The following NUDT9 variants were observed in gnomAD, a reference collection of about 807,000 sequenced individuals.
NUDT9 encodes the protein ADP-ribose pyrophosphatase.
A neutral mutation model predicts 41.0 loss-of-function variants in NUDT9; 31 were observed. That is an observed-to-expected ratio of 0.76 (90% CI 0.57 to 1.02). The LOEUF (loss-of-function observed/expected upper bound fraction) is 1.02. NUDT9 is among the 50% of genes least tolerant of loss of function. The pLI, the probability that NUDT9 is intolerant of heterozygous loss-of-function variation, is 0.00. For synonymous variants in NUDT9, 146 were observed against 147.6 expected, an observed-to-expected ratio of 0.99 and a Z score of 0.08; for missense variants, 380 against 431.4, an observed-to-expected ratio of 0.88 and a Z score of 1.06.
At chr4:87,426,429 A>G (rs1419081752) in intron 1 of NUDT9, among the ~76,000 whole-genome samples, 2 of 147,862 alleles carry the variant, frequency 1.4e-5, no homozygotes, top group Admixed American at 6.7e-5. Context: ...TTTTTTTTTG[A>G]GACAGAGTCT....
At chr4:87,457,714 G>C (rs1723049106) in intron 7 of NUDT9, 129 bp from the exon 8 acceptor site, 1 of 794,848 alleles carries the variant, frequency 1.3e-6, no homozygotes, top group East Asian at 3.2e-5. Context: ...GAATGGTCTA[G>C]TTTTTAATTC....
intron 1 of NUDT9, among the ~76,000 whole-genome samples, chr4:87,424,061 A>G (rs1175887030): frequency 6.6e-6 from 1 of 152,128 alleles, no homozygotes; most frequent in Non-Finnish European, 1.5e-5. Flanking sequence ...CATTTCTAAA[A>G]AACTTTTGAT....
intron 4 of NUDT9, among the ~76,000 whole-genome samples, chr4:87,448,605 C>G (rs1171595378): frequency 6.6e-6 from 1 of 152,044 alleles, no homozygotes; most frequent in African/African-American, 2.4e-5. Flanking sequence ...CTCAGTCTCC[C>G]AAGTAGCTAG....
At chr4:87,449,767 T>C (rs1722626504) in intron 5 of NUDT9, among the ~76,000 whole-genome samples, 2 of 152,212 alleles carry the variant, frequency 1.3e-5, no homozygotes, top group Admixed American at 6.5e-5. Context: ...TTTAAATAAT[T>C]TCTATAATGT....
chr4:87,434,904 C>A, intron 1 of NUDT9, 77 bp from the exon 2 acceptor site: 1 of 1,311,424 alleles, frequency 7.6e-7, no homozygotes. Context: ...CAGGCGTAAG[C>A]CACTGCACCC....
chr4:87,450,062 T>C (rs1022213371), intron 5 of NUDT9, among the ~76,000 whole-genome samples: 1 of 152,058 alleles, frequency 6.6e-6, no homozygotes, highest in African/African-American at 2.4e-5. Context: ...CAGGTTTCAC[T>C]GCGTTGGCCA....
chr4:87,441,944 G>A (rs1722220526), intron 4 of NUDT9, 29 bp downstream of exon 4: 1 of 1,515,722 alleles, frequency 6.6e-7, no homozygotes, highest in African/African-American at 1.4e-5. Flanking sequence ...CATATCAGTA[G>A]CAAAGAGCTA....
chr4:87,438,042 A>C (rs375988413), intron 2 of NUDT9, among the ~76,000 whole-genome samples: 64 of 152,006 alleles, frequency 4.2e-4, no homozygotes, highest in African/African-American at 1.4e-3. Context: ...GGGGTTAGTA[A>C]GTTTAATAAT....
intron 7 of NUDT9, 119 bp from the exon 8 acceptor site, chr4:87,457,724 C>A: frequency 1.2e-6 from 1 of 861,752 alleles, no homozygotes; most frequent in Non-Finnish European, 1.8e-6. Flanking sequence ...GTTTTTAATT[C>A]ACTTGGCCGG....
Position 87,458,034 on chromosome 4 carries a change from G to C in NUDT9, c.*13G>C. ...CCATGCGTTGTAGCTGATGGTCTCC[G>C]TGTAAGCCAAAGGCCCACAGAGGAG... On this transcript the variant is annotated 3_prime_UTR_variant, in exon 8 of 8. Transcript: ENST00000302174. 1 of 1,507,492 alleles carries C rather than the reference G, an allele frequency of 6.6e-7. No individual in the cohort carries two copies. The highest frequency in any genetic ancestry group is 8.8e-7 in the Non-Finnish European group (1 of 1,135,976). 93.4% of individuals were successfully genotyped at this position (1,507,492 alleles called of 1,614,324 possible).
chr4:87,458,294 A>C lies in NUDT9; in HGVS notation c.*273A>C. The C allele has an allele frequency of 7.7e-6, 2 of 260,656 alleles. No individual in the cohort carries two copies. The highest frequency in any genetic ancestry group is 7.1e-6 in the Non-Finnish European group (1 of 139,952). 16.1% of individuals were successfully genotyped at this position (260,656 alleles called of 1,614,324 possible). A position where few individuals can be genotyped will look rare whatever the true frequency, so the allele number is the denominator to read the frequency against. Reference sequence around the variant, plus strand: ...GGCTTAAATTAAATTTAAACAACTAATGCTCTTTGAAGAATCATAATCAGA... The same window carrying C: ...GGCTTAAATTAAATTTAAACAACTACTGCTCTTTGAAGAATCATAATCAGA... On this transcript the variant is annotated 3_prime_UTR_variant, in exon 8 of 8. Transcript: ENST00000302174.
intron 5 of NUDT9, 127 bp downstream of exon 5, chr4:87,449,380 A>G (rs1226328672): frequency 1.2e-5 from 7 of 605,700 alleles, no homozygotes; most frequent in Admixed American, 2.8e-5. Flanking sequence ...AGTAATTCTT[A>G]TGTTTTTCAT....
chr4:87,454,259 C>G, intron 6 of NUDT9, 112 bp from the exon 7 acceptor site: 1 of 646,848 alleles, frequency 1.5e-6, no homozygotes, highest in Non-Finnish European at 2.8e-6. Context: ...TAAGTATGTT[C>G]ATGTTGTTGG....
At chr4:87,453,912 G>A (rs539152005) in intron 6 of NUDT9, among the ~76,000 whole-genome samples, 6 of 144,868 alleles carry the variant, frequency 4.1e-5, no homozygotes, top group African/African-American at 1.3e-4. Flanking sequence ...AGGCTGGAGT[G>A]CAGTGGCGCG....
intron 2 of NUDT9, among the ~76,000 whole-genome samples, chr4:87,435,683 G>A (rs953404205): frequency 6.6e-6 from 1 of 152,170 alleles, no homozygotes; most frequent in South Asian, 2.1e-4. Flanking sequence ...AAATAGAAAA[G>A]GGTTGGATAA....
intron 1 of NUDT9, among the ~76,000 whole-genome samples, chr4:87,424,606 G>A (rs1450891125): frequency 6.6e-6 from 1 of 152,132 alleles, no homozygotes; most frequent in Non-Finnish European, 1.5e-5. Context: ...TGGTTTGTAG[G>A]TCAATATTCC....
intron 2 of NUDT9, 96 bp downstream of exon 2, chr4:87,435,316 C>T (rs909746640): frequency 7.4e-7 from 1 of 1,347,904 alleles, no homozygotes; most frequent in Non-Finnish European, 1.0e-6. Flanking sequence ...AAAATAATTT[C>T]AATCTATGCT....
At chr4:87,438,153 AC>A (rs954043947) in intron 2 of NUDT9, 123 bp from the exon 3 acceptor site, 33 of 485,962 alleles carry the variant, frequency 6.8e-5, no homozygotes, top group East Asian at 2.5e-4. Flanking sequence ...AAAAAAAAAA[AC>A]TAACCCTTAA....
intron 6 of NUDT9, among the ~76,000 whole-genome samples, chr4:87,453,374 C>T (rs1012627828): frequency 4.6e-5 from 7 of 151,968 alleles, no homozygotes; most frequent in Admixed American, 3.3e-4. Flanking sequence ...ATCATATTGC[C>T]CAAATTTGAC....
Sources: gnomAD v4.1 joint callset for allele counts (sites outside exome capture counted in the v4.1 genomes callset) on GRCh38, gnomAD v4.1.1 for gene constraint, MANE v1.5 for transcripts, NCBI Gene and HGNC (gene_info 2026-07-23, HGNC 2026-07-21) for gene names.